Variants in EPM2A observed in about 807,000 individuals in gnomAD.
The protein encoded by EPM2A is laforin.
A neutral mutation model predicts 26.5 loss-of-function variants in EPM2A; 21 were observed. The ratio of observed to expected loss-of-function variants is 0.79; its 90% CI spans 0.56 to 1.14. The LOEUF is 1.14. EPM2A is among the 50% of genes most tolerant of loss of function. The probability of loss-of-function intolerance (pLI) is 0.00; values close to 1 mark genes in which losing one functional copy is unlikely to be tolerated. For missense variants in EPM2A, 458 were observed against 440.8 expected, an observed-to-expected ratio of 1.04 and a Z score of -0.35; for synonymous variants, 217 against 177.6, an observed-to-expected ratio of 1.22 and a Z score of -1.76.
rs564893461 is a variant in EPM2A at position 145,430,500 on chromosome 6, C to T, written c.556-46403G>A. Among the ~76,000 whole-genome samples the T allele has an allele frequency of 2.6e-5, 4 of 151,778 alleles. No homozygotes were observed. In the East Asian group the frequency reaches 7.8e-4, roughly 30 times the overall value. ...CCTGTATTTCCAGCTACTCGGGAGGCTGAAGCAGGAGAATCGCTTGAACCT... is the reference window on the plus strand; with the variant it reads ...CCTGTATTTCCAGCTACTCGGGAGGTTGAAGCAGGAGAATCGCTTGAACCT... On this transcript the variant is annotated intron_variant, in intron 4 of 4. Coordinates refer to the EPM2A transcript ENST00000638717.
intron 1 of EPM2A, among the ~76,000 whole-genome samples, chr6:145,720,701 G>T (rs1775907094): frequency 6.6e-6 from 1 of 152,162 alleles, no homozygotes; most frequent in Non-Finnish European, 1.5e-5. Flanking sequence ...ATGGCAAAAG[G>T]CATGAATGTA....
intron 4 of EPM2A, among the ~76,000 whole-genome samples, chr6:145,414,815 T>C (rs1778686479): frequency 6.6e-6 from 1 of 152,236 alleles, no homozygotes; most frequent in Non-Finnish European, 1.5e-5. Context: ...GATAATATGC[T>C]ATCCTTCCCT....
intron 3 of EPM2A, 200 bp from the exon 4 acceptor site, chr6:145,627,893 C>A: frequency 1.5e-6 from 1 of 678,042 alleles, no homozygotes; most frequent in Admixed American, 2.8e-5. Context: ...AAGAGCATTC[C>A]AGAGGCCAGA....
In EPM2A at chr6:145,727,298, A is replaced by G. The variant is rs181452492; in HGVS notation, c.301+7900T>C. Among the ~76,000 whole-genome samples, 421 of 152,314 alleles carry G rather than the reference A, an allele frequency of 2.8e-3. 5 individuals are homozygous for G. Among genetic ancestry groups the G allele is most frequent in the African/African-American group, 9.7e-3 (402 of 41,576 alleles). ...AAATGAGAACAAAAGAAAAAGATGC[A>G]CAAGAATACTGAATGGAACTTCTAC... is the stretch of plus-strand genomic sequence containing the variant. On this transcript the variant is annotated intron_variant, in intron 1 of 3. Transcript: ENST00000367519.
At chr6:145,609,447 A>C (rs887043444) in intron 2 of EPM2A, among the ~76,000 whole-genome samples, 1 of 152,232 alleles carries the variant, frequency 6.6e-6, no homozygotes, top group African/African-American at 2.4e-5. Context: ...ACATGGGAAG[A>C]TCATAATTTA....
chr6:145,548,940 C>G (rs1271434515), intron 2 of EPM2A, among the ~76,000 whole-genome samples: 3 of 152,112 alleles, frequency 2.0e-5, no homozygotes, highest in South Asian at 4.1e-4. Context: ...GGTACTACTT[C>G]CCTGATACTT....
Position 145,636,958 on chromosome 6 carries a change from C to A in EPM2A, c.477-1472G>T, listed in dbSNP as rs866974043. 4 of 150,388 alleles carry A rather than the reference C, an allele frequency of 2.7e-5. No individual in the cohort carries two copies. In the East Asian group the frequency reaches 7.8e-4, roughly 29 times the overall value. 9.3% of individuals were successfully genotyped at this position (150,388 alleles called of 1,614,324 possible). A position where few individuals can be genotyped will look rare whatever the true frequency, so the allele number is the denominator to read the frequency against. ...AAAAAATTAAAAAAAAAAAAGATTT[C>A]GTATAACATTTAGTAACAATTGTAT... On this transcript the variant is annotated intron_variant, in intron 2 of 3. Transcript: ENST00000367519.
At position 145,511,804 on chromosome 6, in the gene EPM2A, G is replaced by A. The variant is rs1169946571; in HGVS notation, c.341-9229C>T. On this transcript the variant is annotated intron_variant, in intron 2 of 3. Transcript: ENST00000450221. Reference sequence around the variant, plus strand: ...AAGAAATAAAAGGCATTCAGATTGGGAAAGAGGAAGTCAAATTATTATTGT... The same window carrying A: ...AAGAAATAAAAGGCATTCAGATTGGAAAAGAGGAAGTCAAATTATTATTGT... 2.0e-5 allele frequency among the ~76,000 whole-genome samples: 3 copies of A among 152,134 alleles called. No individual in the cohort carries two copies. The East Asian group carries it at 5.8e-4, about 29-fold the overall frequency.
At chr6:145,691,093 A>C (rs1278929543) in intron 1 of EPM2A, among the ~76,000 whole-genome samples, 1 of 152,188 alleles carries the variant, frequency 6.6e-6, no homozygotes, top group African/African-American at 2.4e-5. Flanking sequence ...AAAGTACTTA[A>C]GAAAATAATG....
chr6:145,597,650 A>T (rs1242861627), intron 2 of EPM2A, among the ~76,000 whole-genome samples: 1 of 151,862 alleles, frequency 6.6e-6, no homozygotes, highest in African/African-American at 2.4e-5. Flanking sequence ...TGTCATGGGG[A>T]TGTGTTGTAC....
At chr6:145,581,826 G>C (rs1781118491) in intron 2 of EPM2A, among the ~76,000 whole-genome samples, 1 of 152,160 alleles carries the variant, frequency 6.6e-6, no homozygotes, top group Non-Finnish European at 1.5e-5. Flanking sequence ...CCTGGGTTCT[G>C]TGTTCTATTT....
chr6:145,496,931 G>A (rs1404839179), downstream of EPM2A, among the ~76,000 whole-genome samples: 1 of 151,828 alleles, frequency 6.6e-6, no homozygotes, highest in Non-Finnish European at 1.5e-5. Flanking sequence ...TAAAGACGGG[G>A]TTTCACCTTG....
At chr6:145,617,174 G>T (rs560867283) in intron 2 of EPM2A, among the ~76,000 whole-genome samples, 1 of 152,308 alleles carries the variant, frequency 6.6e-6, no homozygotes, top group East Asian at 1.9e-4. Context: ...TTTCTGTGCT[G>T]TCTTCATGAT....
At chr6:145,519,682 G>A (rs1283008486) in intron 2 of EPM2A, among the ~76,000 whole-genome samples, 2 of 152,162 alleles carry the variant, frequency 1.3e-5, no homozygotes, top group Non-Finnish European at 2.9e-5. Flanking sequence ...CCAGGAGGTG[G>A]ACAGAGGTTT....
chr6:145,648,801 C>T (rs2128575996), intron 2 of EPM2A, among the ~76,000 whole-genome samples: 1 of 152,260 alleles, frequency 6.6e-6, no homozygotes, highest in South Asian at 2.1e-4. Flanking sequence ...GTGTCATCTT[C>T]CCCTTGTTGG....
intron 4 of EPM2A, among the ~76,000 whole-genome samples, chr6:145,435,327 A>C (rs1002454966): frequency 6.6e-6 from 1 of 151,706 alleles, no homozygotes. Context: ...CAGAACAAAC[A>C]GTTAAAAACA....
At chr6:145,397,071 G>A (rs1023497274) in intron 4 of EPM2A, among the ~76,000 whole-genome samples, 4 of 152,148 alleles carry the variant, frequency 2.6e-5, no homozygotes, top group African/African-American at 9.7e-5. Context: ...CCTGCCTAAA[G>A]CTCTTCTGCT....
intron 2 of EPM2A, among the ~76,000 whole-genome samples, chr6:145,571,310 T>C (rs1239311382): frequency 6.6e-6 from 1 of 152,248 alleles, no homozygotes; most frequent in Non-Finnish European, 1.5e-5. Context: ...CATTCCACTT[T>C]TCTATCAATC....
chr6:145,686,400 A>AAAGC (rs1266166864), intron 1 of EPM2A, 104 bp from the exon 2 acceptor site: 4 of 874,024 alleles, frequency 4.6e-6, no homozygotes, highest in African/African-American at 3.3e-5. Context: ...AAATAAACAT[A>AAAGC]AAGCTACTTA....
Sources: allele counts gnomAD v4.1 joint callset (sites outside exome capture counted in the v4.1 genomes callset), GRCh38; gene constraint gnomAD v4.1.1; transcripts MANE v1.5; gene names NCBI Gene and HGNC (gene_info 2026-07-23, HGNC 2026-07-21).